VPS54: variants seen among roughly 807,000 people sequenced by gnomAD.
The protein encoded by VPS54 is vacuolar protein sorting-associated protein 54.
VPS54 carries 45 observed loss-of-function variants against 121.5 expected under a neutral mutation model. The ratio of observed to expected loss-of-function variants is 0.37; its 90% confidence interval spans 0.29 to 0.47. The LOEUF is 0.47. Ranked by LOEUF, VPS54 falls within the 20% of genes least tolerant of loss-of-function variation. The probability of loss-of-function intolerance (pLI) is 0.99; values close to 1 mark genes in which losing one functional copy is unlikely to be tolerated. For synonymous variants in VPS54, 371 were observed against 385.8 expected (o/e 0.96, Z 0.45); for missense variants, 1,090 against 1,131.4 (o/e 0.96, Z 0.52).
intron 7 of VPS54, among the ~76,000 whole-genome samples, chr2:63,957,568 AATAATT>A (rs544877676): frequency 1.7e-4 from 26 of 152,116 alleles, no homozygotes; most frequent in African/African-American, 2.9e-4. Context: ...AAAGAATAAT[AATAATT>A]ATGAGTTATG....
intron 1 of VPS54, among the ~76,000 whole-genome samples, chr2:63,988,899 T>G (rs1575995582): frequency 6.6e-6 from 1 of 152,296 alleles, no homozygotes; most frequent in East Asian, 1.9e-4. Context: ...CAGAGCCATA[T>G]TTCTCTTATT....
chr2:63,947,479 T>C lies in VPS54; in HGVS notation c.1149A>G (p.Ile383Met), dbSNP rs1184671614. ...DCQVLEEERLISLVFGLLKQR... is the reference protein window; with the variant it reads ...DCQVLEEERLMSLVFGLLKQR... ...GTTTTAAAAGTCCAAATACAAGAGA[T>C]ATTAGTCTTTCCTGTTAAAATAAAA... Residue 383 changes from isoleucine to methionine, a missense_variant, in exon 9 of 23, where the codon ATA becomes ATG. By Grantham distance (10) the Ile-to-Met change is conservative (BLOSUM62 1). Coordinates refer to ENST00000272322, the MANE Select transcript of VPS54 (RefSeq NM_016516.3). The C allele has an allele frequency of 1.3e-6, 2 of 1,510,962 alleles. No individual in the cohort carries two copies. Among genetic ancestry groups the C allele is most frequent in the East Asian group, 2.3e-5 (1 of 42,978 alleles). 93.6% of individuals were successfully genotyped at this position (1,510,962 alleles called of 1,614,324 possible).
chr2:63,962,575 G>C, intron 6 of VPS54, 132 bp from the exon 7 acceptor site: 2 of 1,172,946 alleles, frequency 1.7e-6, no homozygotes, highest in African/African-American at 1.6e-5. Context: ...TTGATTGTGA[G>C]ATCCTTGAAA....
intron 3 of VPS54, among the ~76,000 whole-genome samples, chr2:63,980,483 T>C (rs1676757353): frequency 6.6e-6 from 1 of 152,206 alleles, no homozygotes; most frequent in Admixed American, 6.5e-5. Context: ...AAATTTATTT[T>C]ATGTCCTATC....
rs1466248567 is a variant in VPS54 at position 64,013,649 on chromosome 2, T to C, written c.-21+5289A>G. Among the ~76,000 whole-genome samples the C allele has an allele frequency of 2.7e-5, 4 of 145,512 alleles. No homozygotes were observed. The East Asian group carries it at 8.0e-4, about 29-fold the overall frequency. On this transcript the variant is annotated intron_variant, in intron 1 of 22. Coordinates refer to ENST00000272322, the MANE Select transcript of VPS54 (RefSeq NM_016516.3). ...TTATATATAAATATATATCAATATA[T>C]AGATATATATTGATATATATATCTA...
rs954556656 is a variant in VPS54 at position 63,973,012 on chromosome 2, G to A, written c.379-768C>T. 9.2e-5 allele frequency among the ~76,000 whole-genome samples: 14 copies of A among 152,060 alleles called. No individual in the cohort carries two copies. The East Asian group carries it at 9.7e-4, about 10-fold the overall frequency. ...TCATTATCTTTTCAGAGATATCACC[G>A]AAAGGATACCTGAGAAAGTGAAGTG... On this transcript the variant is annotated intron_variant, in intron 3 of 22. Coordinates refer to ENST00000272322, the MANE Select transcript of VPS54 (RefSeq NM_016516.3).
At chr2:63,952,048 C>T (rs1213243481) in intron 7 of VPS54, among the ~76,000 whole-genome samples, 1 of 152,156 alleles carries the variant, frequency 6.6e-6, no homozygotes, top group East Asian at 1.9e-4. Context: ...GCCTACCCTG[C>T]GCTAGGCCCT....
chr2:63,908,163 T>C (rs955715088), intron 20 of VPS54, among the ~76,000 whole-genome samples: 1 of 152,100 alleles, frequency 6.6e-6, no homozygotes, highest in African/African-American at 2.4e-5. Flanking sequence ...CTGGAGAAAA[T>C]TCAAATGTCT....
intron 1 of VPS54, among the ~76,000 whole-genome samples, chr2:63,988,155 C>G (rs954138336): frequency 2.6e-5 from 4 of 152,316 alleles, no homozygotes; most frequent in African/African-American, 7.2e-5. Flanking sequence ...AGCTATGGGT[C>G]TGTCATACAT....
chr2:63,957,648 T>C (rs989309756), intron 7 of VPS54, among the ~76,000 whole-genome samples: 1 of 152,074 alleles, frequency 6.6e-6, no homozygotes, highest in African/African-American at 2.4e-5. Context: ...CTTATACAGA[T>C]ACATCATACC....
rs140216649 is a variant in VPS54, at chr2:63,913,831, G to A, written c.2334+351C>T. ...TGCAAGAAAAATCTCTAACCTTAGT[G>A]AGATGAATTTTGTAAAGTTCAGTGA... is the stretch of plus-strand genomic sequence containing the variant. On this transcript the variant is annotated intron_variant, in intron 17 of 22. Coordinates refer to ENST00000272322, the MANE Select transcript of VPS54 (RefSeq NM_016516.3). 150 of 1,059,590 alleles carry A rather than the reference G, an allele frequency of 1.4e-4. No homozygotes were observed. In the African/African-American group the frequency reaches 2.4e-3, roughly 17 times the overall value. The allele number at this position is 1,059,590 out of a possible 1,614,324, so 65.6% of individuals were successfully genotyped here. A position where few individuals can be genotyped will look rare whatever the true frequency, so the allele number is the denominator to read the frequency against.
At chr2:63,946,030 C>T (rs1242410814) in intron 9 of VPS54, among the ~76,000 whole-genome samples, 2 of 152,042 alleles carry the variant, frequency 1.3e-5, no homozygotes, top group Non-Finnish European at 2.9e-5. Flanking sequence ...AGAGCTCCTC[C>T]CCTATTCCCC....
chr2:63,933,705 T>C lies in VPS54; in HGVS notation c.1707A>G (p.Ser569=). The change falls in exon 12 of 23, where the codon TCA becomes TCG. Residue 569 remains serine (S), a synonymous_variant. Coordinates refer to ENST00000272322, the MANE Select transcript of VPS54 (RefSeq NM_016516.3). ...CCACACCTCCTGGAATAGCAGATGA[T>C]GATGTGTGCTCTTTGCTGGATGAAG... ...TDSSSSKEHT[S]SSAIPGGVDI... is the part of the protein sequence containing the mutation. 6.2e-7 allele frequency: 1 copy of C among 1,613,480 alleles called. No individual in the cohort carries two copies. Among genetic ancestry groups the C allele is most frequent in the Non-Finnish European group, 8.5e-7 (1 of 1,179,722 alleles).
chr2:64,001,398 A>G (rs1677872189), intron 1 of VPS54, among the ~76,000 whole-genome samples: 1 of 152,146 alleles, frequency 6.6e-6, no homozygotes, highest in African/African-American at 2.4e-5. Flanking sequence ...GATACAAGAC[A>G]AAGTCCCCTT....
chr2:63,896,379 CAG>C (rs570408551), intron 22 of VPS54, among the ~76,000 whole-genome samples: 458 of 152,134 alleles, frequency 3.0e-3, no homozygotes, highest in Middle Eastern at 6.8e-3. Flanking sequence ...GCAAAAGTGG[CAG>C]AGAGTATGTG....
intron 22 of VPS54, among the ~76,000 whole-genome samples, chr2:63,895,127 T>A (rs977147996): frequency 6.6e-6 from 1 of 152,078 alleles, no homozygotes; most frequent in Non-Finnish European, 1.5e-5. Context: ...TGTCTATTTT[T>A]AAAATATCTT....
At position 63,965,680 on chromosome 2, in the gene VPS54, A is replaced by T. The variant is rs181639188; in HGVS notation, c.624+155T>A. Among the ~76,000 whole-genome samples the T allele has an allele frequency of 1.4e-4, 21 of 152,312 alleles. No homozygotes were observed. The East Asian group carries it at 3.9e-3, about 28-fold the overall frequency. On this transcript the variant is annotated intron_variant, in intron 6 of 22. Transcript: ENST00000272322. ...TGTTCCATTGAACCAAAATGCTGTT[A>T]GTTTATCAGTTAAGATTGGGAGGCT... is the stretch of plus-strand genomic sequence containing the variant.
chr2:63,981,418 T>C (rs1025614700), intron 3 of VPS54, among the ~76,000 whole-genome samples: 2 of 152,152 alleles, frequency 1.3e-5, no homozygotes, highest in Non-Finnish European at 2.9e-5. Flanking sequence ...TGTTGAATCT[T>C]AGCATTATTT....
chr2:63,994,855 T>G (rs1287514040), intron 1 of VPS54, among the ~76,000 whole-genome samples: 4 of 152,202 alleles, frequency 2.6e-5, no homozygotes, highest in Non-Finnish European at 4.4e-5. Context: ...GGTTTAGTAA[T>G]AGACTGGGCA....
Sources: allele counts gnomAD v4.1 joint callset (sites outside exome capture counted in the v4.1 genomes callset), GRCh38; gene constraint gnomAD v4.1.1; transcripts MANE v1.5; gene names NCBI Gene and HGNC (gene_info 2026-07-23, HGNC 2026-07-21).